PRKN: variants seen among roughly 807,000 people sequenced by gnomAD.
The protein encoded by PRKN is E3 ubiquitin-protein ligase parkin.
Under a neutral mutation model 59.5 loss-of-function variants are expected in PRKN, and 56 were observed. The ratio of observed to expected loss-of-function variants is 0.94; its 90% CI spans 0.76 to 1.18. The LOEUF is 1.18. PRKN is among the 50% of genes most tolerant of loss of function. The pLI is 0.00. For missense variants in PRKN, 657 were observed against 596.4 expected, an observed-to-expected ratio of 1.10 and a Z score of -1.06; for synonymous variants, 250 against 222.1, an observed-to-expected ratio of 1.13 and a Z score of -1.12.
Position 161,470,552 on chromosome 6 carries a change from G to T in PRKN, c.1083+78302C>A, listed in dbSNP as rs1790740217. Among the ~76,000 whole-genome samples, 2 of 152,312 alleles carry T rather than the reference G, an allele frequency of 1.3e-5. No individual in the cohort carries two copies. Among genetic ancestry groups the T allele is most frequent in the African/African-American group, 2.4e-5 (1 of 41,574 alleles). On this transcript the variant is annotated intron_variant, in intron 9 of 11. Coordinates refer to ENST00000366898, the MANE Select transcript of PRKN (RefSeq NM_004562.3). This position sits in a 1 kb window ranked among gnomAD's most constrained non-coding sequence, Gnocchi z 5.1. ...GATGTCCTATGTCTTAGAGGGTTCT[G>T]CCCTGGCCCTCCTCTGGCCACACCC...
intron 7 of PRKN, among the ~76,000 whole-genome samples, chr6:161,782,836 G>A (rs1032419101): frequency 1.1e-4 from 17 of 152,116 alleles, no homozygotes; most frequent in African/African-American, 4.1e-4. Flanking sequence ...CAAGGTTGCA[G>A]TGAGCCGAGA....
At chr6:162,461,842 C>T (rs12665583) in intron 1 of PRKN, among the ~76,000 whole-genome samples, 2 of 150,366 alleles carry the variant, frequency 1.3e-5, no homozygotes, top group African/African-American at 4.9e-5. Context: ...AAAAAAGAGA[C>T]AATGAAGAAG....
rs766949960 is a variant in PRKN at position 161,352,755 on chromosome 6, G to GTGTGTGTATATATATA, written c.1286-2545_1286-2544insTATATATATACACACA. ...TGTGTGTGTGTGTGTGTGTGTGTGT[G>GTGTGTGTATATATATA]TATATATATATATATATTTTATTTT... On this transcript the variant is annotated intron_variant, in intron 11 of 11. Coordinates refer to ENST00000366898, the MANE Select transcript of PRKN (RefSeq NM_004562.3). The surrounding 1 kb of genome is among the most constrained non-coding windows in gnomAD (Gnocchi z 5.8). Among the ~76,000 whole-genome samples, 4 of 134,376 alleles carry GTGTGTGTATATATATA rather than the reference G, an allele frequency of 3.0e-5. No individual in the cohort carries two copies. Among genetic ancestry groups the GTGTGTGTATATATATA allele is most frequent in the African/African-American group, 1.1e-4 (4 of 35,724 alleles). 88.2% of individuals were successfully genotyped at this position (134,376 alleles called of 152,430 possible).
At chr6:161,928,038 G>A (rs1163424948) in intron 6 of PRKN, among the ~76,000 whole-genome samples, 4 of 152,116 alleles carry the variant, frequency 2.6e-5, no homozygotes, top group Admixed American at 1.3e-4. Flanking sequence ...GGGGCCTTTG[G>A]AAGGTGATTA....
At chr6:162,273,286 A>G (rs899425428) in intron 2 of PRKN, among the ~76,000 whole-genome samples, 1 of 152,178 alleles carries the variant, frequency 6.6e-6, no homozygotes, top group Non-Finnish European at 1.5e-5. Flanking sequence ...CCCTAACGTG[A>G]CTATCTACAG....
intron 7 of PRKN, among the ~76,000 whole-genome samples, chr6:161,688,028 T>TCGTC (rs534966007): frequency 1.7e-4 from 26 of 152,266 alleles, no homozygotes; most frequent in African/African-American, 5.8e-4. Context: ...TTTCCTTCCC[T>TCGTC]CGTCAGTCTT....
At chr6:161,478,483 T>C (rs1791232240) in intron 9 of PRKN, among the ~76,000 whole-genome samples, 1 of 152,090 alleles carries the variant, frequency 6.6e-6, no homozygotes, top group Admixed American at 6.5e-5. Context: ...ATCTACAAAA[T>C]ACTTTCCAAA....
At chr6:162,710,002 A>T (rs1778470490) in intron 1 of PRKN, among the ~76,000 whole-genome samples, 1 of 152,112 alleles carries the variant, frequency 6.6e-6, no homozygotes, top group Non-Finnish European at 1.5e-5. Context: ...GATATTGCTC[A>T]CTCATTCTCC....
chr6:161,477,388 A>T (rs1435616945), intron 9 of PRKN, among the ~76,000 whole-genome samples: 7 of 151,822 alleles, frequency 4.6e-5, no homozygotes. Context: ...GTGGTGGCAC[A>T]TGCCTATAAT....
At chr6:162,503,071 T>A (rs1436776300) in intron 1 of PRKN, among the ~76,000 whole-genome samples, 5 of 151,372 alleles carry the variant, frequency 3.3e-5, no homozygotes, top group South Asian at 2.1e-4. Context: ...TATTAATAAC[T>A]ATGGATCATG....
At chr6:162,480,433 GGAA>G (rs1295905971) in intron 1 of PRKN, among the ~76,000 whole-genome samples, 1 of 152,222 alleles carries the variant, frequency 6.6e-6, no homozygotes, top group East Asian at 1.9e-4. Context: ...AGGGAGGAGA[GGAA>G]GAAGATGACA....
chr6:161,674,128 T>A (rs1785005903), intron 7 of PRKN, among the ~76,000 whole-genome samples: 1 of 151,690 alleles, frequency 6.6e-6, no homozygotes, highest in African/African-American at 2.4e-5. Flanking sequence ...GGAGAAGGGG[T>A]CTAAGACTAA....
chr6:162,044,935 C>T (rs1349183071), intron 5 of PRKN, among the ~76,000 whole-genome samples: 2 of 152,190 alleles, frequency 1.3e-5, no homozygotes, highest in Admixed American at 6.5e-5. Flanking sequence ...CTTGCATGGT[C>T]CTTCACATCC....
At chr6:162,087,810 T>C (rs1779312858) in intron 4 of PRKN, among the ~76,000 whole-genome samples, 1 of 152,118 alleles carries the variant, frequency 6.6e-6, no homozygotes, top group Admixed American at 6.5e-5. Flanking sequence ...GTCAGGCTGG[T>C]CTCGATCTCG....
In PRKN at chr6:161,487,323, T is replaced by C. The variant is rs1791702699; in HGVS notation, c.1083+61531A>G. Among the ~76,000 whole-genome samples the C allele has an allele frequency of 6.6e-6, 1 of 152,192 alleles. No homozygotes were observed. Among genetic ancestry groups the C allele is most frequent in the African/African-American group, 2.4e-5 (1 of 41,452 alleles). On this transcript the variant is annotated intron_variant, in intron 9 of 11. Transcript: ENST00000366898. The surrounding 1 kb of genome is among the most constrained non-coding windows in gnomAD (Gnocchi z 5.3). ...ACTCCCAGCACTTGCCTGGTTCAGA[T>C]CACACTACTGTCTCCTTCCTATACT...
intron 6 of PRKN, among the ~76,000 whole-genome samples, chr6:161,969,369 AGTGACCAGCCT>A (rs1055881002): frequency 6.6e-6 from 1 of 151,882 alleles, no homozygotes; most frequent in African/African-American, 2.4e-5. Flanking sequence ...ACCCGGAGAA[AGTGACCAGCCT>A]GTGCACTGGG....
chr6:162,111,038 G>A (rs965900873), intron 4 of PRKN, among the ~76,000 whole-genome samples: 11 of 152,126 alleles, frequency 7.2e-5, no homozygotes, highest in African/African-American at 2.7e-4. Context: ...CACCTCAACC[G>A]GGAGAAGAAA....
intron 1 of PRKN, among the ~76,000 whole-genome samples, chr6:162,720,661 A>G (rs1195178802): frequency 6.6e-6 from 1 of 151,556 alleles, no homozygotes; most frequent in Non-Finnish European, 1.5e-5. Context: ...CTTGTTAGCC[A>G]GGATGGTCTC....
intron 5 of PRKN, among the ~76,000 whole-genome samples, chr6:162,046,968 C>T (rs1037359010): frequency 6.6e-6 from 1 of 151,340 alleles, no homozygotes; most frequent in African/African-American, 2.4e-5. Context: ...AATAAGCTGT[C>T]CTTGAGTCTG....
Sources: gnomAD v4.1 joint callset for allele counts (sites outside exome capture counted in the v4.1 genomes callset) on GRCh38, gnomAD v4.1.1 for gene constraint, Gnocchi (gnomAD v3.1) non-coding constraint, MANE v1.5 for transcripts, NCBI Gene and HGNC (gene_info 2026-07-23, HGNC 2026-07-21) for gene names.